RGS6: variants seen among roughly 807,000 people sequenced by gnomAD.
RGS6 encodes regulator of G protein signaling 6.
A neutral mutation model predicts 78.5 loss-of-function variants in RGS6; 30 were observed. The observed-to-expected ratio is 0.38, with a 90% CI of 0.29 to 0.52. The LOEUF (loss-of-function observed/expected upper bound fraction) is 0.52. Ranked by LOEUF, RGS6 falls within the 20% of genes least tolerant of loss-of-function variation. The pLI is 0.85. For synonymous variants in RGS6, 206 were observed against 206.0 expected (o/e 1.00, Z 0.00); for missense variants, 495 against 609.7 (o/e 0.81, Z 1.98).
At chr14:72,009,021 T>C (rs2085143777) in intron 2 of RGS6, among the ~76,000 whole-genome samples, 1 of 152,196 alleles carries the variant, frequency 6.6e-6, no homozygotes, top group South Asian at 2.1e-4. Flanking sequence ...CTTGGATTTT[T>C]ATATGTGCTA....
chr14:72,188,246 C>T (rs556205905), intron 2 of RGS6, among the ~76,000 whole-genome samples: 1 of 152,212 alleles, frequency 6.6e-6, no homozygotes, highest in Non-Finnish European at 1.5e-5. Context: ...AGTAGAAACA[C>T]ATGTTAAACA....
chr14:72,108,483 A>T (rs539123789), intron 2 of RGS6, among the ~76,000 whole-genome samples: 20 of 151,856 alleles, frequency 1.3e-4, no homozygotes, highest in Non-Finnish European at 2.5e-4. Context: ...TATAGTTTTT[A>T]AAATTTGTTA....
intron 2 of RGS6, among the ~76,000 whole-genome samples, chr14:72,231,656 G>A (rs2049634648): frequency 6.6e-6 from 1 of 152,210 alleles, no homozygotes; most frequent in African/African-American, 2.4e-5. Flanking sequence ...ACAGGGCTGG[G>A]GTAGGATGCT....
rs528119660 is a variant in RGS6, at chr14:71,932,917, T to C, written c.-45T>C. 31 of 152,172 alleles carry C rather than the reference T, an allele frequency of 2.0e-4. No homozygotes were observed. Among genetic ancestry groups the C allele is most frequent in the African/African-American group, 7.5e-4 (31 of 41,496 alleles). The allele number at this position is 152,172 out of a possible 1,614,324, so 9.4% of individuals were successfully genotyped here. On this transcript the variant is annotated 5_prime_UTR_variant, in exon 1 of 18. Transcript: ENST00000553525. ...AAAAATTCTGGAGCCAGAGGGAGAG[T>C]CAAGGCAATTCTTTGGTTGCTAAGG...
In RGS6 at chr14:72,159,460, T is replaced by C. The variant is rs138166546; in HGVS notation, c.85-192635T>C. Among the ~76,000 whole-genome samples, 102 of 152,330 alleles carry C rather than the reference T, an allele frequency of 6.7e-4. 2 individuals carry two copies. Among genetic ancestry groups the C allele is most frequent in the Middle Eastern group, 6.8e-3 (2 of 294 alleles). On this transcript the variant is annotated intron_variant, in intron 2 of 17. Transcript: ENST00000553525. ...CAAAGCAGAACTTTGCCTCTTGGCC[T>C]CTCAGTCAATTGTGATCTGACTGAC...
chr14:71,946,496 G>GGAA (rs2091541364), intron 1 of RGS6, among the ~76,000 whole-genome samples: 2 of 152,166 alleles, frequency 1.3e-5, no homozygotes, highest in Non-Finnish European at 2.9e-5. Flanking sequence ...TCCAGATAAT[G>GGAA]ATTAATTGGA....
Position 72,111,013 on chromosome 14 carries a change from A to C in RGS6, c.84+146138A>C, listed in dbSNP as rs569549009. ...GAGGTTACTTTCCAGTCTTTAACCTATTGGCTTTTTCTCATTGTTCCTCAA... is the reference window on the plus strand; with the variant it reads ...GAGGTTACTTTCCAGTCTTTAACCTCTTGGCTTTTTCTCATTGTTCCTCAA... On this transcript the variant is annotated intron_variant, in intron 2 of 17. Coordinates refer to ENST00000553525, the MANE Select transcript of RGS6 (RefSeq NM_001204424.2). Among the ~76,000 whole-genome samples, 194 of 152,204 alleles carry C rather than the reference A, an allele frequency of 1.3e-3. 4 individuals are homozygous for C. In the South Asian group the frequency reaches 0.039, roughly 30 times the overall value.
intron 3 of RGS6, among the ~76,000 whole-genome samples, chr14:72,441,473 A>G (rs1434913628): frequency 1.3e-5 from 2 of 152,132 alleles, no homozygotes. Flanking sequence ...ATGCACCACC[A>G]GGGCAGTGCA....
At chr14:71,991,855 G>A (rs970132618) in intron 2 of RGS6, among the ~76,000 whole-genome samples, 1 of 152,100 alleles carries the variant, frequency 6.6e-6, no homozygotes, top group Non-Finnish European at 1.5e-5. Flanking sequence ...GGGACTTACT[G>A]TCTCTTTCAG....
chr14:72,022,399 G>T (rs1041949712), intron 2 of RGS6: 2 of 152,014 alleles, frequency 1.3e-5, no homozygotes, highest in African/African-American at 4.8e-5. Context: ...CTTTTACAAA[G>T]TTTTTTTTCA....
At chr14:72,179,518 AGGGGAGCCTTC>A (rs2097147428) in intron 2 of RGS6, among the ~76,000 whole-genome samples, 1 of 152,176 alleles carries the variant, frequency 6.6e-6, no homozygotes, top group African/African-American at 2.4e-5. Context: ...GGGACAGGAA[AGGGGAGCCTTC>A]TGTGTGTCCC....
At chr14:72,159,534 G>A (rs879162429) in intron 2 of RGS6, among the ~76,000 whole-genome samples, 7 of 152,148 alleles carry the variant, frequency 4.6e-5, no homozygotes, top group African/African-American at 1.7e-4. Flanking sequence ...ACCCTTCTTG[G>A]CCATTTGATG....
At chr14:71,904,493 C>G in the RGS6 span, among the ~76,000 whole-genome samples, 5 of 152,120 alleles carry the variant, frequency 3.3e-5, no homozygotes, top group African/African-American at 1.2e-4. Flanking sequence ...AAGGGGAGAG[C>G]CTGTGGAAAA....
At chr14:72,561,312 C>A (rs79126605) in intron 17 of RGS6, among the ~76,000 whole-genome samples, 13 of 152,194 alleles carry the variant, frequency 8.5e-5, no homozygotes, top group African/African-American at 3.1e-4. Flanking sequence ...CCCATGCTGA[C>A]GAGCTATCAC....
At chr14:72,612,614 G>A in the RGS6 span, 3 of 518,900 alleles carry the variant, frequency 5.8e-6, no homozygotes, top group African/African-American at 5.8e-5. Flanking sequence ...AGGGCAGGAG[G>A]AGAATCAGGG....
intron 15 of RGS6, among the ~76,000 whole-genome samples, chr14:72,526,716 A>G (rs1255386108): frequency 6.7e-6 from 1 of 148,152 alleles, no homozygotes; most frequent in Admixed American, 6.6e-5. Context: ...ACATGATCCC[A>G]GGTTGTTCAT....
At chr14:72,091,194 C>T (rs1282151479) in intron 2 of RGS6, among the ~76,000 whole-genome samples, 1 of 152,154 alleles carries the variant, frequency 6.6e-6, no homozygotes, top group Non-Finnish European at 1.5e-5. Flanking sequence ...TCTCCCACTC[C>T]CCGCTGCCTG....
chr14:72,629,934 A>G, the RGS6 span, among the ~76,000 whole-genome samples: 1 of 152,148 alleles, frequency 6.6e-6, no homozygotes, highest in African/African-American at 2.4e-5. Flanking sequence ...CAAAACAGAG[A>G]TATAAGCACA....
At chr14:72,327,049 A>T (rs544990852) in intron 2 of RGS6, among the ~76,000 whole-genome samples, 1 of 152,194 alleles carries the variant, frequency 6.6e-6, no homozygotes, top group Non-Finnish European at 1.5e-5. Flanking sequence ...TAACACGTAT[A>T]CATTAGAACC....
Sources: gnomAD v4.1 joint callset for allele counts (sites outside exome capture counted in the v4.1 genomes callset) on GRCh38, gnomAD v4.1.1 for gene constraint, MANE v1.5 for transcripts, NCBI Gene and HGNC (gene_info 2026-07-23, HGNC 2026-07-21) for gene names.